ACVR1C: variants seen among roughly 807,000 people sequenced by gnomAD.
ACVR1C encodes activin receptor type-1C.
In ACVR1C, 23 loss-of-function variants were observed where a neutral mutation model predicts 57.9. The observed-to-expected ratio is 0.40, with a 90% CI of 0.29 to 0.56. ACVR1C has a LOEUF of 0.56. Among genes scored for constraint, ACVR1C ranks in the 20% least tolerant of loss-of-function variants. ACVR1C has a pLI of 0.50. For synonymous variants in ACVR1C, 214 were observed against 215.3 expected (o/e 0.99, Z 0.05); for missense variants, 480 against 607.9 (o/e 0.79, Z 2.21).
At chr2:157,549,138 G>A (rs576581319) in intron 4 of ACVR1C, among the ~76,000 whole-genome samples, 1 of 152,124 alleles carries the variant, frequency 6.6e-6, no homozygotes, top group African/African-American at 2.4e-5. Flanking sequence ...GGTGGATAAC[G>A]AGGTCAGGAG....
intron 2 of ACVR1C, among the ~76,000 whole-genome samples, chr2:157,569,304 T>A (rs1688468428): frequency 6.4e-5 from 2 of 31,070 alleles, no homozygotes; most frequent in African/African-American, 1.3e-4. Context: ...TTAAAAGAAC[T>A]AGAAAAGCAA....
At chr2:157,606,778 T>C (rs1302366982) in intron 1 of ACVR1C, among the ~76,000 whole-genome samples, 1 of 151,858 alleles carries the variant, frequency 6.6e-6, no homozygotes, top group Admixed American at 6.6e-5. Context: ...ACTCTGTTGA[T>C]TGTTTCTTTT....
chr2:157,593,345 T>C (rs1224078627), intron 1 of ACVR1C, among the ~76,000 whole-genome samples: 1 of 152,202 alleles, frequency 6.6e-6, no homozygotes, highest in Non-Finnish European at 1.5e-5. Flanking sequence ...CTCAATATGT[T>C]GGTTACATAT....
chr2:157,588,660 T>TA (rs1688984780), intron 1 of ACVR1C, among the ~76,000 whole-genome samples: 1 of 148,892 alleles, frequency 6.7e-6, no homozygotes, highest in Non-Finnish European at 1.5e-5. Context: ...ACTCATAGCT[T>TA]AGCTCCCTTT....
chr2:157,599,868 A>T (rs954525147), intron 1 of ACVR1C, among the ~76,000 whole-genome samples: 2 of 152,202 alleles, frequency 1.3e-5, no homozygotes, highest in African/African-American at 4.8e-5. Flanking sequence ...AGGATCCCTA[A>T]TCCAGTCCAG....
intron 1 of ACVR1C, among the ~76,000 whole-genome samples, chr2:157,607,829 T>C (rs1418299081): frequency 3.3e-5 from 5 of 151,780 alleles, no homozygotes; most frequent in Non-Finnish European, 5.9e-5. Flanking sequence ...CTTTACTGAA[T>C]TGAACAGTTC....
intron 2 of ACVR1C, among the ~76,000 whole-genome samples, chr2:157,565,409 T>C (rs549379409): frequency 7.9e-5 from 12 of 152,130 alleles, no homozygotes; most frequent in Non-Finnish European, 1.6e-4. Flanking sequence ...TAGTGACCAT[T>C]GTAAATTTCA....
chr2:157,562,529 CAGG>C (rs1688266599), intron 2 of ACVR1C, among the ~76,000 whole-genome samples: 1 of 148,196 alleles, frequency 6.7e-6, no homozygotes, highest in Non-Finnish European at 1.5e-5. Flanking sequence ...TAAAAAAGCC[CAGG>C]ACCAGACGTA....
At chr2:157,554,201 G>GAGAGAGAGAGAGAGAA (rs1553481316) in intron 3 of ACVR1C, among the ~76,000 whole-genome samples, 2 of 41,438 alleles carry the variant, frequency 4.8e-5, no homozygotes, top group African/African-American at 2.9e-4. Context: ...ATAAAGAAGA[G>GAGAGAGAGAGAGAGAA]AGAAAGAAAG....
chr2:157,561,726 A>G (rs1045915784), intron 2 of ACVR1C, among the ~76,000 whole-genome samples: 1 of 151,754 alleles, frequency 6.6e-6, no homozygotes, highest in Non-Finnish European at 1.5e-5. Context: ...ACCTCCCTTA[A>G]CCTGCCACTT....
intron 2 of ACVR1C, among the ~76,000 whole-genome samples, chr2:157,586,440 A>G (rs1408898952): frequency 6.6e-6 from 1 of 152,114 alleles, no homozygotes; most frequent in East Asian, 1.9e-4. Context: ...TAATCATTAA[A>G]TTATTGTTAT....
chr2:157,541,134 A>G lies in ACVR1C; in HGVS notation c.1181T>C (p.Val394Ala), dbSNP rs188903172. 5 of 1,614,092 alleles carry G rather than the reference A, an allele frequency of 3.1e-6. No homozygotes were observed. Among genetic ancestry groups the G allele is most frequent in the Admixed American group, 1.7e-5 (1 of 60,004 alleles). Residue 394 changes from valine to alanine, a missense_variant, in exon 7 of 9, where the codon GTT becomes GCT. Coordinates refer to ENST00000243349, the MANE Select transcript of ACVR1C (RefSeq NM_145259.3). ...ESFKRADIYS[V>A]GLVYWEIARR... ...GGCTATTTCCCAGTAAACCAGACCA[A>G]CAGAATAGATGTCAGCTCGTTTGAA...
intron 1 of ACVR1C, among the ~76,000 whole-genome samples, chr2:157,600,645 A>C (rs898004839): frequency 6.6e-6 from 1 of 152,232 alleles, no homozygotes; most frequent in Non-Finnish European, 1.5e-5. Context: ...GATATGATAA[A>C]GAATAGATAA....
intron 1 of ACVR1C, among the ~76,000 whole-genome samples, chr2:157,594,788 T>A (rs1337659645): frequency 6.6e-6 from 1 of 152,190 alleles, no homozygotes; most frequent in Non-Finnish European, 1.5e-5. Context: ...ATCTGAATAG[T>A]CTACATTCTA....
At chr2:157,621,640 C>T (rs533253029) in intron 1 of ACVR1C, among the ~76,000 whole-genome samples, 31 of 152,264 alleles carry the variant, frequency 2.0e-4, no homozygotes, top group African/African-American at 7.2e-4. Context: ...GAGATCCCGC[C>T]ACCTCTTTCC....
chr2:157,560,264 C>G (rs187633022), intron 2 of ACVR1C, among the ~76,000 whole-genome samples: 7 of 152,294 alleles, frequency 4.6e-5, no homozygotes, highest in African/African-American at 1.4e-4. Flanking sequence ...TCCTTCTCTG[C>G]TCCTTCTTTA....
At chr2:157,597,957 G>C (rs891376767) in intron 1 of ACVR1C, among the ~76,000 whole-genome samples, 20 of 152,142 alleles carry the variant, frequency 1.3e-4, no homozygotes, top group African/African-American at 4.8e-4. Flanking sequence ...TGCCAGTGAA[G>C]TCTTTCTAAA....
intron 2 of ACVR1C, among the ~76,000 whole-genome samples, chr2:157,570,795 T>C (rs1688499848): frequency 1.7e-5 from 1 of 60,126 alleles, no homozygotes; most frequent in African/African-American, 7.1e-5. Flanking sequence ...CTGCCCAAGG[T>C]AATTTACAGA....
rs1313518756 is a variant in ACVR1C, at chr2:157,548,163, G to A, written c.775+1999C>T. On this transcript the variant is annotated intron_variant, in intron 4 of 8. Transcript: ENST00000243349. ...ACAAACAGAGAGCCAAATCATGAGT[G>A]AACTCCCATTCACAATGGCTTCAAA... Among the ~76,000 whole-genome samples the A allele has an allele frequency of 7.3e-3, 1,106 of 150,682 alleles. 9 individuals carry two copies. Among genetic ancestry groups the A allele is most frequent in the African/African-American group, 0.025 (1,032 of 40,858 alleles).
Sources: allele counts gnomAD v4.1 joint callset (sites outside exome capture counted in the v4.1 genomes callset), GRCh38; gene constraint gnomAD v4.1.1; transcripts MANE v1.5; gene names NCBI Gene and HGNC (gene_info 2026-07-23, HGNC 2026-07-21).